Variants in PPM1B observed in about 807,000 individuals in gnomAD.
PPM1B encodes protein phosphatase, Mg2+/Mn2+ dependent 1B.
A neutral mutation model predicts 43.0 loss-of-function variants in PPM1B; 22 were observed. The ratio of observed to expected loss-of-function variants is 0.51; its 90% confidence interval spans 0.37 to 0.73. The LOEUF is 0.73. Among genes scored for constraint, PPM1B ranks in the 30% least tolerant of loss-of-function variants. PPM1B has a pLI of 0.00. For missense variants in PPM1B, 632 were observed against 584.2 expected (o/e 1.08, Z -0.84); for synonymous variants, 217 against 197.9 (o/e 1.10, Z -0.81).
downstream of PPM1B, among the ~76,000 whole-genome samples, chr2:44,245,587 G>A (rs746243112): frequency 2.0e-4 from 30 of 152,128 alleles, no homozygotes; most frequent in Non-Finnish European, 5.9e-5. Context: ...ACAATGACTA[G>A]AGAGAATAAA....
chr2:44,226,276 A>G (rs1670205625), intron 5 of PPM1B, among the ~76,000 whole-genome samples: 1 of 152,070 alleles, frequency 6.6e-6, no homozygotes, highest in African/African-American at 2.4e-5. Context: ...CGCCCGACCT[A>G]GTATATCTTT....
chr2:44,200,209 G>A (rs889738116), intron 1 of PPM1B, among the ~76,000 whole-genome samples: 1 of 152,192 alleles, frequency 6.6e-6, no homozygotes, highest in African/African-American at 2.4e-5. Context: ...TGAGGTATAG[G>A]TACAGGTGAC....
chr2:44,200,771 A>G lies in PPM1B; in HGVS notation c.-14-415A>G, dbSNP rs1269879490. Among the ~76,000 whole-genome samples the G allele has an allele frequency of 3.3e-5, 5 of 152,282 alleles. No homozygotes were observed. In the East Asian group the frequency reaches 9.6e-4, roughly 29 times the overall value. ...ATGACTCACTGTTTTGAATATTCTCATTGTCCAGTCTTCTGTAAACTTACA... is the reference window on the plus strand; with the variant it reads ...ATGACTCACTGTTTTGAATATTCTCGTTGTCCAGTCTTCTGTAAACTTACA... On this transcript the variant is annotated intron_variant, in intron 1 of 5. Coordinates refer to ENST00000282412, the MANE Select transcript of PPM1B (RefSeq NM_002706.6).
rs551324043 is a variant in PPM1B at position 44,230,753 on chromosome 2, T to C, written c.*35T>C. 6.3e-7 allele frequency: 1 copy of C among 1,591,542 alleles called. No individual in the cohort carries two copies. Among genetic ancestry groups the C allele is most frequent in the South Asian group, 1.1e-5 (1 of 87,712 alleles). On this transcript the variant is annotated 3_prime_UTR_variant, in exon 6 of 6. Transcript: ENST00000282412. ...TTGGTAATATTTTTGTGATCTTTGATGGTTTTTAACCTAGGAAGTGTAATG... is the reference window on the plus strand; with the variant it reads ...TTGGTAATATTTTTGTGATCTTTGACGGTTTTTAACCTAGGAAGTGTAATG...
chr2:44,240,676 T>TGA (rs1470790238), intron 5 of PPM1B, among the ~76,000 whole-genome samples: 7 of 146,332 alleles, frequency 4.8e-5, no homozygotes, highest in Admixed American at 4.8e-4. Flanking sequence ...TTCCTGGGCC[T>TGA]TTGAAAAGAC....
At chr2:44,197,832 A>G (rs1382379658) in intron 1 of PPM1B, among the ~76,000 whole-genome samples, 2 of 152,212 alleles carry the variant, frequency 1.3e-5, no homozygotes, top group African/African-American at 4.8e-5. Context: ...ATTAAATGAT[A>G]TAGTGTATAT....
rs1230876769 is a variant in PPM1B at position 44,192,811 on chromosome 2, T to C, written c.-14-8375T>C. Among the ~76,000 whole-genome samples the C allele has an allele frequency of 3.3e-5, 5 of 152,232 alleles. No individual in the cohort carries two copies. The East Asian group carries it at 7.7e-4, about 23-fold the overall frequency. The stretch of plus-strand genomic sequence containing the variant: ...TAGATGTCACATGCAAGTGAGAATA[T>C]ACAATATTTGTCTTTCTATTCCTGG... On this transcript the variant is annotated intron_variant, in intron 1 of 5. Coordinates refer to ENST00000282412, the MANE Select transcript of PPM1B (RefSeq NM_002706.6).
Position 44,209,790 on chromosome 2 carries a change from A to G in PPM1B, c.964+463A>G, listed in dbSNP as rs1372025372. Among the ~76,000 whole-genome samples the G allele has an allele frequency of 2.0e-5, 3 of 152,114 alleles. No individual in the cohort carries two copies. In the East Asian group the frequency reaches 5.8e-4, roughly 29 times the overall value. ...AGACTCCGTCTCCAAAAAAAAAAAA[A>G]AAAAATTCCATAGGACAAACAAGTA... On this transcript the variant is annotated intron_variant, in intron 3 of 5. Coordinates refer to ENST00000282412, the MANE Select transcript of PPM1B (RefSeq NM_002706.6).
intron 5 of PPM1B, among the ~76,000 whole-genome samples, chr2:44,228,742 C>T (rs1445879790): frequency 6.6e-6 from 1 of 151,222 alleles, no homozygotes; most frequent in Non-Finnish European, 1.5e-5. Flanking sequence ...TCTCTAGATT[C>T]AACAACTGTT....
At chr2:44,222,202 G>A (rs961339358) in intron 5 of PPM1B, among the ~76,000 whole-genome samples, 1 of 151,984 alleles carries the variant, frequency 6.6e-6, no homozygotes, top group Non-Finnish European at 1.5e-5. Context: ...TGAGATCTGG[G>A]ACTTGATCTG....
rs184232795 is a variant in PPM1B at position 44,226,062 on chromosome 2, G to A, written c.1135-4351G>A. Among the ~76,000 whole-genome samples the A allele has an allele frequency of 9.5e-3, 1,416 of 149,776 alleles. 27 individuals carry two copies. The highest frequency in any genetic ancestry group is 0.033 in the African/African-American group (1,355 of 40,570). ...GCCATCTCAGCTCACTGCAAGCTCC[G>A]TCTCCCAGGTTCACGCCATTCTCCT... On this transcript the variant is annotated intron_variant, in intron 5 of 5. Transcript: ENST00000282412.
At chr2:44,243,387 C>T (rs1186713126) in intron 5 of PPM1B, among the ~76,000 whole-genome samples, 2 of 152,120 alleles carry the variant, frequency 1.3e-5, no homozygotes, top group Non-Finnish European at 2.9e-5. Flanking sequence ...AAGTGTCATA[C>T]TTTTACATTC....
chr2:44,183,089 C>G (rs1667958001), intron 1 of PPM1B, among the ~76,000 whole-genome samples: 1 of 152,212 alleles, frequency 6.6e-6, no homozygotes, highest in African/African-American at 2.4e-5. Context: ...TCTCTCATCT[C>G]AGGATCTTCA....
chr2:44,217,250 T>C (rs1669763277), intron 3 of PPM1B, among the ~76,000 whole-genome samples: 1 of 151,782 alleles, frequency 6.6e-6, no homozygotes, highest in Admixed American at 6.6e-5. Context: ...AAATACAAAA[T>C]TAGCCAGGCA....
chr2:44,171,395 T>C (rs1016993706), intron 1 of PPM1B, among the ~76,000 whole-genome samples: 1 of 152,246 alleles, frequency 6.6e-6, no homozygotes, highest in African/African-American at 2.4e-5. Flanking sequence ...AAAGTGGCTC[T>C]TGTTGAAAGT....
chr2:44,195,762 A>G (rs1024281781), intron 1 of PPM1B, among the ~76,000 whole-genome samples: 1 of 152,204 alleles, frequency 6.6e-6, no homozygotes, highest in East Asian at 1.9e-4. Context: ...CTTCAATCTG[A>G]ACAAGACTTA....
intron 5 of PPM1B, among the ~76,000 whole-genome samples, chr2:44,243,865 A>C (rs2104297964): frequency 6.6e-6 from 1 of 152,298 alleles, no homozygotes; most frequent in Non-Finnish European, 1.5e-5. Flanking sequence ...TATCCCTGCC[A>C]AATAAAAATC....
downstream of PPM1B, chr2:44,233,115 C>A: frequency 1.0e-6 from 1 of 978,894 alleles, no homozygotes; most frequent in Non-Finnish European, 1.2e-6. Flanking sequence ...TGAGATTTGC[C>A]TTTATAATGT....
At chr2:44,189,872 T>G (rs1262589698) in intron 1 of PPM1B, among the ~76,000 whole-genome samples, 1 of 152,232 alleles carries the variant, frequency 6.6e-6, no homozygotes, top group African/African-American at 2.4e-5. Context: ...CTGCTCTTAA[T>G]TTTTCATTGC....
Sources: gnomAD v4.1 joint callset for allele counts (sites outside exome capture counted in the v4.1 genomes callset) on GRCh38, gnomAD v4.1.1 for gene constraint, MANE v1.5 for transcripts, NCBI Gene and HGNC (gene_info 2026-07-23, HGNC 2026-07-21) for gene names.